Variants in GABRG1 observed in about 807,000 individuals in gnomAD.
The protein encoded by GABRG1 is gamma-aminobutyric acid receptor subunit gamma-1.
GABRG1 carries 49 observed loss-of-function variants against 49.8 expected under a neutral mutation model. That is an observed-to-expected ratio of 0.98 (90% CI 0.78 to 1.25). The LOEUF is 1.25. Ranked by LOEUF, GABRG1 falls within the 50% of genes most tolerant of loss-of-function variation. The pLI is 0.00. For synonymous variants in GABRG1, 232 were observed against 185.1 expected (o/e 1.25, Z -2.06); for missense variants, 552 against 552.3 (o/e 1.00, Z 0.01).
intron 3 of GABRG1, among the ~76,000 whole-genome samples, chr4:46,071,106 CT>C (rs1446395528): frequency 2.0e-5 from 3 of 151,962 alleles, no homozygotes; most frequent in Non-Finnish European, 2.9e-5. Context: ...TTACTTACGT[CT>C]TTCTGGTGAT....
chr4:46,118,742 G>T (rs1162195168), intron 1 of GABRG1, among the ~76,000 whole-genome samples: 1 of 151,046 alleles, frequency 6.6e-6, no homozygotes, highest in Admixed American at 6.6e-5. Flanking sequence ...GCTATTTCTT[G>T]AAACATGGGA....
chr4:46,116,485 A>C (rs1002811355), intron 1 of GABRG1, among the ~76,000 whole-genome samples: 3 of 150,806 alleles, frequency 2.0e-5, no homozygotes, highest in Non-Finnish European at 4.5e-5. Flanking sequence ...ATATTGCAAC[A>C]TGGAGGCATT....
rs1718221629 is a variant in GABRG1, at chr4:46,051,554, T to C, written c.1001A>G (p.Asp334Gly). 6.2e-7 allele frequency: 1 copy of C among 1,611,494 alleles called. No individual in the cohort carries two copies. The highest frequency in any genetic ancestry group is 8.5e-7 in the Non-Finnish European group (1 of 1,178,518). ...LPKVSYVTAM[D>G]LFVSVCFIFV... The stretch of plus-strand genomic sequence containing the variant: ...AATGAAACAAACAGAAACAAAGAGA[T>C]CCATCGCAGTCACATAAGAAACCTT... Residue 334 changes from aspartate (D) to glycine (G), a missense_variant, in exon 8 of 9, where the codon GAT becomes GGT. Transcript: ENST00000295452.
At chr4:46,052,355 C>G (rs1718261298) in intron 7 of GABRG1, among the ~76,000 whole-genome samples, 1 of 151,794 alleles carries the variant, frequency 6.6e-6, no homozygotes, top group South Asian at 2.1e-4. Context: ...TCCAAACTAA[C>G]ATAGCTTTTT....
rs923996302 is a variant in GABRG1, at chr4:46,039,360, A to C, written c.*1628T>G. The C allele has an allele frequency of 6.6e-6, 1 of 151,706 alleles. No individual in the cohort carries two copies. Among genetic ancestry groups the C allele is most frequent in the African/African-American group, 2.4e-5 (1 of 41,414 alleles). 9.4% of individuals were successfully genotyped at this position (151,706 alleles called of 1,614,324 possible). On this transcript the variant is annotated 3_prime_UTR_variant, in exon 9 of 9. Transcript: ENST00000295452. ...ATAGAGTTAGCTGGGAACACACAGT[A>C]AATTATAAATAAATTAATTAAAAAT...
chr4:46,110,585 A>G (rs1032287130), intron 1 of GABRG1, among the ~76,000 whole-genome samples: 3 of 151,274 alleles, frequency 2.0e-5, no homozygotes, highest in Non-Finnish European at 3.0e-5. Context: ...CTTGATGAAC[A>G]TAGATGCAAA....
intron 1 of GABRG1, among the ~76,000 whole-genome samples, chr4:46,112,061 T>C (rs1267104283): frequency 6.6e-6 from 1 of 151,174 alleles, no homozygotes; most frequent in African/African-American, 2.4e-5. Flanking sequence ...ATAACTTACA[T>C]AATGAGAGAA....
chr4:46,094,583 T>C (rs1303392105), intron 2 of GABRG1, among the ~76,000 whole-genome samples: 2 of 151,984 alleles, frequency 1.3e-5, no homozygotes, highest in African/African-American at 4.8e-5. Flanking sequence ...AGGTTGTTTC[T>C]GGGCCAAGAA....
At chr4:46,057,403 GAC>G (rs1718493527) in intron 7 of GABRG1, among the ~76,000 whole-genome samples, 1 of 151,998 alleles carries the variant, frequency 6.6e-6, no homozygotes. Context: ...ATATTTTTAA[GAC>G]ACAATTATGA....
At chr4:46,052,532 G>T (rs765877557) in intron 7 of GABRG1, among the ~76,000 whole-genome samples, 1 of 151,840 alleles carries the variant, frequency 6.6e-6, no homozygotes, top group Admixed American at 6.6e-5. Context: ...TCCCAATCCT[G>T]TATGTGTATC....
At chr4:46,066,023 A>C (rs1007555923) in intron 3 of GABRG1, among the ~76,000 whole-genome samples, 14 of 152,116 alleles carry the variant, frequency 9.2e-5, no homozygotes, top group Non-Finnish European at 1.6e-4. Flanking sequence ...CACACGGCCT[A>C]AACTTTCTTT....
intron 2 of GABRG1, among the ~76,000 whole-genome samples, chr4:46,095,127 G>C (rs1242528630): frequency 4.0e-5 from 6 of 151,484 alleles, no homozygotes; most frequent in African/African-American, 1.5e-4. Flanking sequence ...AGAAGAAAAA[G>C]ACAAAATTAT....
intron 1 of GABRG1, among the ~76,000 whole-genome samples, chr4:46,104,635 T>C (rs1170911605): frequency 6.6e-6 from 1 of 151,558 alleles, no homozygotes; most frequent in African/African-American, 2.4e-5. Flanking sequence ...CACCTATTTA[T>C]ATGTATTGGT....
intron 2 of GABRG1, among the ~76,000 whole-genome samples, chr4:46,088,738 T>TACACACAC (rs3069480): frequency 3.4e-4 from 48 of 142,886 alleles, no homozygotes; most frequent in South Asian, 2.3e-3. Context: ...CACTATAAAA[T>TACACACAC]ACACACACAC....
chr4:46,050,988 A>T (rs1183998911), intron 8 of GABRG1, among the ~76,000 whole-genome samples: 1 of 151,874 alleles, frequency 6.6e-6, no homozygotes. Flanking sequence ...ATGGGAGAGT[A>T]AAATAGTACA....
intron 2 of GABRG1, among the ~76,000 whole-genome samples, chr4:46,091,363 T>A (rs541191397): frequency 6.6e-6 from 1 of 152,076 alleles, no homozygotes; most frequent in Non-Finnish European, 1.5e-5. Context: ...ATTTTTCACA[T>A]ACCCTACTCG....
intron 1 of GABRG1, among the ~76,000 whole-genome samples, chr4:46,110,133 G>T (rs546030499): frequency 6.6e-6 from 1 of 151,028 alleles, no homozygotes; most frequent in Non-Finnish European, 1.5e-5. Flanking sequence ...CTTCAACTAT[G>T]ATTGGGTGAC....
chr4:46,048,556 C>T (rs1360565319), intron 8 of GABRG1, among the ~76,000 whole-genome samples: 1 of 141,932 alleles, frequency 7.0e-6, no homozygotes, highest in Non-Finnish European at 1.5e-5. Flanking sequence ...TGCACCGACT[C>T]TTTACAATTG....
chr4:46,115,867 G>A (rs1202672626), intron 1 of GABRG1, among the ~76,000 whole-genome samples: 2 of 150,642 alleles, frequency 1.3e-5, no homozygotes, highest in African/African-American at 2.4e-5. Flanking sequence ...ACATAAGATA[G>A]CTAATGAAAA....
Sources: gnomAD v4.1 joint callset for allele counts (sites outside exome capture counted in the v4.1 genomes callset) on GRCh38, gnomAD v4.1.1 for gene constraint, MANE v1.5 for transcripts, NCBI Gene and HGNC (gene_info 2026-07-23, HGNC 2026-07-21) for gene names.